Variants in SUGCT observed in about 807,000 individuals in gnomAD.
The protein encoded by SUGCT is succinyl-CoA:glutarate-CoA transferase, also known as succinyl-CoA:glutarate CoA-transferase.
In SUGCT, 41 loss-of-function variants were observed where a neutral mutation model predicts 55.0. The observed-to-expected ratio is 0.74, with a 90% CI of 0.58 to 0.97. The LOEUF (loss-of-function observed/expected upper bound fraction) is 0.97. Ranked by LOEUF, SUGCT falls within the 50% of genes least tolerant of loss-of-function variation. SUGCT has a pLI of 0.00. For missense variants in SUGCT, 568 were observed against 547.8 expected (o/e 1.04, Z -0.37); for synonymous variants, 187 against 200.4 (o/e 0.93, Z 0.56).
intron 13 of SUGCT, among the ~76,000 whole-genome samples, chr7:40,791,715 A>G (rs1790320396): frequency 6.6e-6 from 1 of 152,168 alleles, no homozygotes; most frequent in African/African-American, 2.4e-5. Context: ...TGGAAATATT[A>G]TTTCTGGATT....
In SUGCT at chr7:40,274,647, G is replaced by A. The variant is rs768506771; in HGVS notation, c.711G>A (p.Leu237=). Residue 237 remains leucine (L), a synonymous_variant, in exon 8 of 14, where the codon CTG becomes CTA. Transcript: ENST00000335693. The stretch of plus-strand genomic sequence containing the variant: ...GACTGTTCATTGATTGTAACCTACT[G>A]TCATCCCAGGTAACAATCCAACTAA... ...GKGLFIDCNL[L]SSQVACLSHI... The A allele has an allele frequency of 6.2e-7, 1 of 1,613,258 alleles. No homozygotes were observed. Among genetic ancestry groups the A allele is most frequent in the Non-Finnish European group, 8.5e-7 (1 of 1,179,468 alleles).
intron 12 of SUGCT, among the ~76,000 whole-genome samples, chr7:40,514,784 A>G (rs573104771): frequency 6.8e-4 from 104 of 151,842 alleles, no homozygotes; most frequent in Non-Finnish European, 1.4e-3. Flanking sequence ...AGCCAGCAAC[A>G]CATGACGTCT....
chr7:40,296,612 C>T (rs1794163702), intron 8 of SUGCT, among the ~76,000 whole-genome samples: 1 of 144,726 alleles, frequency 6.9e-6, no homozygotes, highest in Non-Finnish European at 1.5e-5. Flanking sequence ...GTGAGTGACT[C>T]GTGTGTGTGT....
intron 12 of SUGCT, among the ~76,000 whole-genome samples, chr7:40,736,117 G>A (rs79020774): frequency 0.019 from 2,874 of 150,806 alleles, 89 homozygotes; most frequent in African/African-American, 0.067. Flanking sequence ...AAATACAAGA[G>A]AGGCAGAGAC....
chr7:40,897,869 A>G, the SUGCT span, among the ~76,000 whole-genome samples: 21 of 149,182 alleles, frequency 1.4e-4, no homozygotes, highest in African/African-American at 1.5e-4. Context: ...TCTGTAAAAC[A>G]GACCAATCAG....
intron 12 of SUGCT, among the ~76,000 whole-genome samples, chr7:40,630,183 G>A (rs978962441): frequency 6.6e-6 from 1 of 152,200 alleles, no homozygotes; most frequent in South Asian, 2.1e-4. Flanking sequence ...TCTCCTGTGA[G>A]CTGCTTTCTC....
chr7:40,292,965 T>G (rs1285692158), intron 8 of SUGCT, among the ~76,000 whole-genome samples: 1 of 152,202 alleles, frequency 6.6e-6, no homozygotes, highest in Non-Finnish European at 1.5e-5. Context: ...ACCATATTGG[T>G]CACTTCATCA....
At chr7:40,781,263 A>G (rs907855067) in intron 13 of SUGCT, among the ~76,000 whole-genome samples, 1 of 152,220 alleles carries the variant, frequency 6.6e-6, no homozygotes, top group Non-Finnish European at 1.5e-5. Flanking sequence ...ATAAATTTCC[A>G]TCTTACATTC....
At chr7:40,836,483 G>C (rs1792983019) in intron 13 of SUGCT, among the ~76,000 whole-genome samples, 1 of 152,102 alleles carries the variant, frequency 6.6e-6, no homozygotes, top group African/African-American at 2.4e-5. Flanking sequence ...TGGTGAGCGT[G>C]TGTGTTTAGT....
intron 12 of SUGCT, among the ~76,000 whole-genome samples, chr7:40,625,578 C>T (rs1430237759): frequency 3.3e-5 from 5 of 152,210 alleles, no homozygotes; most frequent in Middle Eastern, 6.8e-3. Flanking sequence ...ATTGCTGCTT[C>T]CTTCTTACCC....
the SUGCT span, among the ~76,000 whole-genome samples, chr7:41,025,228 T>G: frequency 6.6e-6 from 1 of 152,234 alleles, no homozygotes; most frequent in Admixed American, 6.5e-5. Flanking sequence ...GTGCAATAAT[T>G]TCTTTCTTAA....
At chr7:40,342,304 T>G (rs953457539) in intron 9 of SUGCT, among the ~76,000 whole-genome samples, 1 of 152,222 alleles carries the variant, frequency 6.6e-6, no homozygotes, top group African/African-American at 2.4e-5. Context: ...AGAAACCTCT[T>G]TCTTATGGAT....
chr7:40,304,559 C>G (rs1284105112), intron 8 of SUGCT, among the ~76,000 whole-genome samples: 1 of 151,102 alleles, frequency 6.6e-6, no homozygotes, highest in Non-Finnish European at 1.5e-5. Context: ...TACACTGTAC[C>G]AACATGTAAT....
At chr7:40,787,660 CAAAA>C (rs55764379) in intron 13 of SUGCT, among the ~76,000 whole-genome samples, 18 of 48,410 alleles carry the variant, frequency 3.7e-4, no homozygotes, top group African/African-American at 5.3e-4. Flanking sequence ...AAATTTTGAC[CAAAA>C]AAAAAAAAAA....
chr7:41,033,021 C>T, the SUGCT span, among the ~76,000 whole-genome samples: 17 of 152,202 alleles, frequency 1.1e-4, no homozygotes, highest in Non-Finnish European at 2.4e-4. Flanking sequence ...CTTGGCCTTC[C>T]AAAGTCCTGG....
At chr7:40,968,984 C>A in the SUGCT span, among the ~76,000 whole-genome samples, 5 of 152,346 alleles carry the variant, frequency 3.3e-5, no homozygotes, top group South Asian at 1.0e-3. Context: ...CACCCAGAAG[C>A]CCCTGAGGCT....
chr7:41,036,058 T>A, the SUGCT span, among the ~76,000 whole-genome samples: 2 of 152,190 alleles, frequency 1.3e-5, no homozygotes, highest in Non-Finnish European at 2.9e-5. Context: ...GGCTGCAAGA[T>A]CCTTCAGGGA....
the SUGCT span, among the ~76,000 whole-genome samples, chr7:40,958,059 G>T: frequency 6.6e-6 from 1 of 152,008 alleles, no homozygotes; most frequent in East Asian, 1.9e-4. Context: ...TCCCTTTGTG[G>T]GTAACTCAAT....
chr7:41,002,018 G>T, the SUGCT span, among the ~76,000 whole-genome samples: 1 of 152,108 alleles, frequency 6.6e-6, no homozygotes, highest in Non-Finnish European at 1.5e-5. Context: ...ATTAGACTGC[G>T]AACTTTTTTT....
Sources: allele counts gnomAD v4.1 joint callset (sites outside exome capture counted in the v4.1 genomes callset), GRCh38; gene constraint gnomAD v4.1.1; transcripts MANE v1.5; gene names NCBI Gene and HGNC (gene_info 2026-07-23, HGNC 2026-07-21).